Variants in TMEM65 observed in about 807,000 individuals in gnomAD.
TMEM65 encodes the protein transmembrane protein 65.
A neutral mutation model predicts 25.4 loss-of-function variants in TMEM65; 22 were observed. The ratio of observed to expected loss-of-function variants is 0.86; its 90% confidence interval spans 0.62 to 1.23. The LOEUF (loss-of-function observed/expected upper bound fraction) is 1.23. TMEM65 is among the 50% of genes most tolerant of loss of function. The pLI is 0.00. For missense variants in TMEM65, 262 were observed against 308.2 expected (o/e 0.85, Z 1.12); for synonymous variants, 132 against 126.2 (o/e 1.05, Z -0.31).
intron 6 of TMEM65, among the ~76,000 whole-genome samples, chr8:124,318,428 G>A (rs1357148698): frequency 3.3e-5 from 4 of 120,614 alleles, no homozygotes; most frequent in Admixed American, 2.2e-4. Flanking sequence ...AGGCTGGAGT[G>A]CAATGGCTTG....
intron 1 of TMEM65, among the ~76,000 whole-genome samples, chr8:124,344,824 T>G (rs887258069): frequency 6.6e-6 from 1 of 152,128 alleles, no homozygotes; most frequent in Non-Finnish European, 1.5e-5. Context: ...TGTATAGCCA[T>G]ACAATATATA....
intron 1 of TMEM65, among the ~76,000 whole-genome samples, chr8:124,354,521 G>A (rs1009273333): frequency 3.3e-5 from 5 of 152,244 alleles, no homozygotes; most frequent in African/African-American, 9.6e-5. Context: ...TTGGGGGACC[G>A]ACACAGCTGA....
intron 1 of TMEM65, among the ~76,000 whole-genome samples, chr8:124,332,722 T>C (rs1814447245): frequency 6.6e-6 from 1 of 152,064 alleles, no homozygotes; most frequent in African/African-American, 2.4e-5. Context: ...ACAAAGAACC[T>C]ACAGAGTACA....
At position 124,345,294 on chromosome 8, in the gene TMEM65, T is replaced by C. The variant is rs527671336; in HGVS notation, c.305-14502A>G. Among the ~76,000 whole-genome samples the C allele has an allele frequency of 5.3e-5, 8 of 152,342 alleles. 1 individual carries two copies. In the South Asian group the frequency reaches 8.3e-4, roughly 16 times the overall value. On this transcript the variant is annotated intron_variant, in intron 1 of 6. Coordinates refer to ENST00000297632, the MANE Select transcript of TMEM65 (RefSeq NM_194291.3). The stretch of plus-strand genomic sequence containing the variant: ...TCTATAAATACTGCCTGCCCATGTG[T>C]TGCTGGGAGGAACTCTCTAAACCTG...
chr8:124,324,587 A>G (rs1323736619), intron 3 of TMEM65, among the ~76,000 whole-genome samples: 2 of 152,146 alleles, frequency 1.3e-5, no homozygotes, highest in Non-Finnish European at 2.9e-5. Context: ...GAGGCACCTG[A>G]TAACAACAGT....
At position 124,312,544 on chromosome 8, in the gene TMEM65, T is replaced by G. The variant is rs1402654157; in HGVS notation, c.*1416A>C. ...CAAATAACTTCAAAAGCCAAAATAC[T>G]ATTTTAATTTTAAGTTTCTCTCCTC... On this transcript the variant is annotated 3_prime_UTR_variant, in exon 7 of 7. Transcript: ENST00000297632. The G allele has an allele frequency of 1.3e-5, 2 of 151,318 alleles. No individual in the cohort carries two copies. Among genetic ancestry groups the G allele is most frequent in the African/African-American group, 4.8e-5 (2 of 41,254 alleles). The allele number at this position is 151,318 out of a possible 1,614,324, so 9.4% of individuals were successfully genotyped here.
At chr8:124,359,767 A>AAT (rs1411170250) in intron 1 of TMEM65, among the ~76,000 whole-genome samples, 3 of 152,150 alleles carry the variant, frequency 2.0e-5, no homozygotes, top group Non-Finnish European at 4.4e-5. Flanking sequence ...AAAGACTATA[A>AAT]AGGGCAAATA....
At chr8:124,331,595 T>C (rs1004786855) in intron 1 of TMEM65, among the ~76,000 whole-genome samples, 1 of 151,594 alleles carries the variant, frequency 6.6e-6, no homozygotes, top group East Asian at 1.9e-4. Context: ...AAATTAACAA[T>C]TATTACAGGC....
At chr8:124,330,397 T>G (rs1814416167) in intron 2 of TMEM65, among the ~76,000 whole-genome samples, 1 of 151,918 alleles carries the variant, frequency 6.6e-6, no homozygotes, top group African/African-American at 2.4e-5. Flanking sequence ...GTATCTCGCC[T>G]TGGGCCTAGA....
intron 1 of TMEM65, among the ~76,000 whole-genome samples, chr8:124,361,692 C>T (rs1007729675): frequency 2.7e-5 from 4 of 149,212 alleles, no homozygotes; most frequent in African/African-American, 4.9e-5. Context: ...AAAAATTAGC[C>T]GGGAATGGTG....
intron 1 of TMEM65, among the ~76,000 whole-genome samples, chr8:124,338,411 T>C (rs541222533): frequency 6.7e-6 from 1 of 150,330 alleles, no homozygotes; most frequent in Non-Finnish European, 1.5e-5. Flanking sequence ...AGAGAATATA[T>C]GTAAGGGTGG....
chr8:124,313,898 G>C lies in TMEM65; in HGVS notation c.*62C>G. ...TACTGTCTTAATTCCTAAATGTTGT[G>C]ACAGCATATTTAATTACTGAGGTAC... On this transcript the variant is annotated 3_prime_UTR_variant, in exon 7 of 7. Transcript: ENST00000297632. 2.7e-6 allele frequency: 3 copies of C among 1,111,698 alleles called. No individual in the cohort carries two copies. The highest frequency in any genetic ancestry group is 4.0e-6 in the Non-Finnish European group (3 of 744,950). The allele number at this position is 1,111,698 out of a possible 1,614,324, so 68.9% of individuals were successfully genotyped here.
chr8:124,369,211 T>C (rs1814979298), intron 1 of TMEM65, among the ~76,000 whole-genome samples: 1 of 152,154 alleles, frequency 6.6e-6, no homozygotes, highest in Non-Finnish European at 1.5e-5. Context: ...GGGAAAGAAA[T>C]TGGTTTGTAA....
intron 1 of TMEM65, among the ~76,000 whole-genome samples, chr8:124,370,023 C>A (rs949120411): frequency 2.0e-5 from 3 of 152,168 alleles, no homozygotes. Flanking sequence ...TTACTAATTT[C>A]TCTCTCATAT....
intron 1 of TMEM65, among the ~76,000 whole-genome samples, chr8:124,358,431 T>C (rs975984511): frequency 6.6e-6 from 1 of 152,212 alleles, no homozygotes; most frequent in East Asian, 1.9e-4. Context: ...CAAGCAGGTA[T>C]GTAAACAGGT....
At chr8:124,371,817 G>T in intron 1 of TMEM65, 37 bp downstream of exon 1, 1 of 1,488,852 alleles carries the variant, frequency 6.7e-7, no homozygotes, top group South Asian at 1.2e-5. Flanking sequence ...GGAGGGCGTC[G>T]GGGCCCCCGG....
chr8:124,361,371 G>A (rs1453663363), intron 1 of TMEM65, among the ~76,000 whole-genome samples: 1 of 151,038 alleles, frequency 6.6e-6, no homozygotes, highest in Non-Finnish European at 1.5e-5. Context: ...GGAGGCAGAG[G>A]TTGCGGTGAG....
chr8:124,332,610 G>T (rs1187926285), intron 1 of TMEM65, among the ~76,000 whole-genome samples: 3 of 151,970 alleles, frequency 2.0e-5, no homozygotes, highest in Non-Finnish European at 4.4e-5. Flanking sequence ...AATAACAAAT[G>T]TTAAGAGAAA....
In TMEM65 at chr8:124,312,754, CA is replaced by C. The variant is rs1344439679; in HGVS notation, c.*1205del. 2.0e-5 allele frequency: 3 copies of C among 151,308 alleles called. No individual in the cohort carries two copies. The highest frequency in any genetic ancestry group is 7.3e-5 in the African/African-American group (3 of 41,262). 9.4% of individuals were successfully genotyped at this position (151,308 alleles called of 1,614,324 possible). On this transcript the variant is annotated 3_prime_UTR_variant, in exon 7 of 7. Coordinates refer to ENST00000297632, the MANE Select transcript of TMEM65 (RefSeq NM_194291.3). ...AACCTAAAATATGCTTTAAATACCA[CA>C]AAAGAAGAAAAAAGAAAAACAAAGG...
Sources: allele counts gnomAD v4.1 joint callset (sites outside exome capture counted in the v4.1 genomes callset), GRCh38; gene constraint gnomAD v4.1.1; transcripts MANE v1.5; gene names NCBI Gene and HGNC (gene_info 2026-07-23, HGNC 2026-07-21).